The following RAB33B variants were observed in gnomAD, a reference collection of about 807,000 sequenced individuals.
RAB33B encodes the protein RAB33B, member RAS oncogene family.
In RAB33B, 6 loss-of-function variants were observed where a neutral mutation model predicts 15.0. The ratio of observed to expected loss-of-function variants is 0.40; its 90% CI spans 0.22 to 0.79. The LOEUF is 0.79. RAB33B is among the 30% of genes least tolerant of loss of function. RAB33B has a pLI of 0.37. For missense variants in RAB33B, 257 were observed against 296.4 expected (o/e 0.87, Z 0.98); for synonymous variants, 117 against 108.3 (o/e 1.08, Z -0.50).
chr4:139,466,250 A>G (rs1431921744), intron 1 of RAB33B, among the ~76,000 whole-genome samples: 4 of 152,210 alleles, frequency 2.6e-5, no homozygotes, highest in Non-Finnish European at 5.9e-5. Flanking sequence ...TTTTGTTTTT[A>G]TAAATGACAT....
At chr4:139,454,512 G>C (rs1750024685) in intron 1 of RAB33B, 68 bp downstream of exon 1, 2 of 1,541,172 alleles carry the variant, frequency 1.3e-6, no homozygotes, top group Non-Finnish European at 1.8e-6. Context: ...TGGGCTGGTC[G>C]CTGGCCGTGT....
intron 1 of RAB33B, among the ~76,000 whole-genome samples, chr4:139,461,789 G>A (rs1425347574): frequency 2.0e-5 from 3 of 151,284 alleles, no homozygotes; most frequent in Non-Finnish European, 4.4e-5. Flanking sequence ...AAAAAATTTT[G>A]ACCAGGCATG....
At chr4:139,469,230 T>C (rs1750347106) in intron 1 of RAB33B, among the ~76,000 whole-genome samples, 1 of 152,218 alleles carries the variant, frequency 6.6e-6, no homozygotes, top group African/African-American at 2.4e-5. Flanking sequence ...CTAGATCCTG[T>C]AGGCGTGCTC....
At chr4:139,444,398 G>A in the RAB33B span, among the ~76,000 whole-genome samples, 4 of 152,112 alleles carry the variant, frequency 2.6e-5, no homozygotes, top group African/African-American at 9.7e-5. Context: ...TCCCAGCTGG[G>A]AGGGTCCAGG....
At chr4:139,439,561 GT>G in the RAB33B span, among the ~76,000 whole-genome samples, 11 of 152,258 alleles carry the variant, frequency 7.2e-5, no homozygotes, top group East Asian at 7.7e-4. Context: ...TCATATTCAT[GT>G]TTTTCATCAA....
At chr4:139,471,815 T>C (rs775678431) in intron 1 of RAB33B, among the ~76,000 whole-genome samples, 1 of 152,246 alleles carries the variant, frequency 6.6e-6, no homozygotes, top group Non-Finnish European at 1.5e-5. Flanking sequence ...AACCATTGCC[T>C]AATCCAAGGT....
At position 139,464,207 on chromosome 4, in the gene RAB33B, G is replaced by A. The variant is rs555511672; in HGVS notation, c.250-8479G>A. Among the ~76,000 whole-genome samples the A allele has an allele frequency of 3.9e-5, 6 of 152,238 alleles. No individual in the cohort carries two copies. The East Asian group carries it at 1.2e-3, about 29-fold the overall frequency. Reference sequence around the variant, plus strand: ...GAGGCAGGAAGATTGAGCCTGGTAGGTGGAGGCTGCAATGATCCATGATTG... The same window carrying A: ...GAGGCAGGAAGATTGAGCCTGGTAGATGGAGGCTGCAATGATCCATGATTG... On this transcript the variant is annotated intron_variant, in intron 1 of 1. Transcript: ENST00000305626.
At chr4:139,469,915 C>T (rs1350611562) in intron 1 of RAB33B, among the ~76,000 whole-genome samples, 2 of 152,200 alleles carry the variant, frequency 1.3e-5, no homozygotes, top group African/African-American at 4.8e-5. Context: ...ACAAGCACCC[C>T]TGTGACCACC....
At chr4:139,451,462 C>A (rs1005261688), upstream of RAB33B, 1 of 150,446 alleles carries the variant, frequency 6.6e-6, no homozygotes, top group African/African-American at 2.5e-5. Flanking sequence ...GCAACCTCCA[C>A]CTCCCTGGTT....
rs201055426 is a variant in RAB33B, at chr4:139,454,587, A to G, written c.249+143A>G. On this transcript the variant is annotated intron_variant, in intron 1 of 1. Transcript: ENST00000305626. ...GAGATTGGAGTTGGGGATTGGAAGGATTGCAATACTGCAAACTTCTAAGGC... is the reference window on the plus strand; with the variant it reads ...GAGATTGGAGTTGGGGATTGGAAGGGTTGCAATACTGCAAACTTCTAAGGC... The G allele has an allele frequency of 3.3e-6, 3 of 920,546 alleles. No individual in the cohort carries two copies. In the East Asian group the frequency reaches 8.0e-5, roughly 25 times the overall value. The allele number at this position is 920,546 out of a possible 1,614,324, so 57.0% of individuals were successfully genotyped here.
rs1316627107 is a variant in RAB33B at position 139,454,242 on chromosome 4, G to T, written c.47G>T (p.Ser16Ile). 1 of 1,614,152 alleles carries T rather than the reference G, an allele frequency of 6.2e-7. No individual in the cohort carries two copies. Among genetic ancestry groups the T allele is most frequent in the Admixed American group, 1.7e-5 (1 of 60,014 alleles). Residue 16 changes from serine to isoleucine, a missense_variant, in exon 1 of 2, where the codon AGC (serine) becomes ATC (isoleucine). Coordinates refer to ENST00000305626, the MANE Select transcript of RAB33B (RefSeq NM_031296.3). ...TCGCTCGAGGCAAGCTTTTCGTCCA[G>T]CGGGGCAGTGTCAGGGGCCTCAGGG... ...ESSLEASFSS[S>I]GAVSGASGFL...
intron 1 of RAB33B, among the ~76,000 whole-genome samples, chr4:139,463,631 T>A (rs1183646357): frequency 1.3e-5 from 2 of 152,260 alleles, no homozygotes; most frequent in Non-Finnish European, 2.9e-5. Flanking sequence ...TCTTCTTTTT[T>A]AAACATCATG....
At chr4:139,458,337 G>A (rs1250678939) in intron 1 of RAB33B, among the ~76,000 whole-genome samples, 1 of 151,898 alleles carries the variant, frequency 6.6e-6, no homozygotes, top group Non-Finnish European at 1.5e-5. Flanking sequence ...CAGGTTTATT[G>A]TATAGTTAAA....
chr4:139,439,918 A>G, the RAB33B span, among the ~76,000 whole-genome samples: 1 of 151,996 alleles, frequency 6.6e-6, no homozygotes, highest in African/African-American at 2.4e-5. Flanking sequence ...CATTTTGTTC[A>G]TAAATAATTT....
At chr4:139,466,924 T>C (rs1188583878) in intron 1 of RAB33B, among the ~76,000 whole-genome samples, 1 of 151,394 alleles carries the variant, frequency 6.6e-6, no homozygotes, top group African/African-American at 2.4e-5. Context: ...TTCTGTGAGT[T>C]GTCTCTTCAC....
At chr4:139,468,043 C>T (rs1167543883) in intron 1 of RAB33B, among the ~76,000 whole-genome samples, 1 of 151,460 alleles carries the variant, frequency 6.6e-6, no homozygotes, top group Non-Finnish European at 1.5e-5. Context: ...CTCTGGTAAC[C>T]ATTTTCAACT....
At chr4:139,442,333 G>A in the RAB33B span, among the ~76,000 whole-genome samples, 1 of 152,096 alleles carries the variant, frequency 6.6e-6, no homozygotes, top group Admixed American at 6.6e-5. Flanking sequence ...TCCCTGCTGA[G>A]GTTTCAAATA....
chr4:139,465,831 G>A (rs1286528040), intron 1 of RAB33B, among the ~76,000 whole-genome samples: 1 of 151,112 alleles, frequency 6.6e-6, no homozygotes, highest in African/African-American at 2.4e-5. Context: ...CTGGGCTTAA[G>A]CGATCCTCCC....
chr4:139,451,927 A>C (rs1142627), upstream of RAB33B: 31,286 of 152,222 alleles, frequency 0.21, 3,545 homozygotes, highest in Non-Finnish European at 0.26. Context: ...TAATCCATCC[A>C]TTCTTTCCAA....
Sources: allele counts gnomAD v4.1 joint callset (sites outside exome capture counted in the v4.1 genomes callset), GRCh38; gene constraint gnomAD v4.1.1; transcripts MANE v1.5; gene names NCBI Gene and HGNC (gene_info 2026-07-23, HGNC 2026-07-21).